Variants in SLC17A5 observed in about 807,000 individuals in gnomAD.
The protein encoded by SLC17A5 is solute carrier family 17 member 5, also known as sialin.
A neutral mutation model predicts 59.4 loss-of-function variants in SLC17A5; 47 were observed. The ratio of observed to expected loss-of-function variants is 0.79; its 90% confidence interval spans 0.63 to 1.01. The LOEUF (loss-of-function observed/expected upper bound fraction) is 1.01, where lower values mean the gene tolerates loss of function less well. Ranked by LOEUF, SLC17A5 falls within the 50% of genes least tolerant of loss-of-function variation. The pLI, the probability that SLC17A5 is intolerant of heterozygous loss-of-function variation, is 0.00. For missense variants in SLC17A5, 522 were observed against 595.5 expected, an observed-to-expected ratio of 0.88 and a Z score of 1.28; for synonymous variants, 202 against 210.7, an observed-to-expected ratio of 0.96 and a Z score of 0.36.
At chr6:73,652,920 T>C in intron 1 of SLC17A5, 1 of 424,074 alleles carries the variant, frequency 2.4e-6, no homozygotes, top group Non-Finnish European at 3.2e-6. Flanking sequence ...ATTTGTTCTT[T>C]AGTTTTCGTT....
chr6:73,636,621 CA>C lies in SLC17A5; in HGVS notation c.699del (p.Phe233LeufsTer15), dbSNP rs779548058. ...AATTTAGTTAAAATTTTAAACTTACCAAAAAAGTAGAAGACATAAGTCCAAT... is the reference window on the plus strand; with the variant it reads ...AATTTAGTTAAAATTTTAAACTTACCAAAAAGTAGAAGACATAAGTCCAAT... ...YMNWTYVFYF[F>X]GTIGIFWFLL... On this transcript the variant is annotated frameshift_variant and splice_region_variant, in exon 5 of 11. Coordinates refer to ENST00000355773, the MANE Select transcript of SLC17A5 (RefSeq NM_012434.5). LOFTEE classifies it high-confidence loss of function. 4.5e-6 allele frequency: 7 copies of C among 1,553,576 alleles called. No individual in the cohort carries two copies. The highest frequency in any genetic ancestry group is 6.2e-6 in the Non-Finnish European group (7 of 1,126,406).
chr6:73,601,376 T>C (rs1338001770), intron 9 of SLC17A5, among the ~76,000 whole-genome samples: 2 of 134,356 alleles, frequency 1.5e-5, no homozygotes, highest in African/African-American at 2.8e-5. Flanking sequence ...GTGAGGAGCG[T>C]CTCCGCCCGG....
rs374477127 is a variant in SLC17A5, at chr6:73,614,741, G to A, written c.1111+574C>T. Among the ~76,000 whole-genome samples, 20 of 152,282 alleles carry A rather than the reference G, an allele frequency of 1.3e-4. No individual in the cohort carries two copies. In the South Asian group the frequency reaches 3.3e-3, roughly 25 times the overall value. ...AGGGTTTGGATGAACTTTTGCGGTC[G>A]GGGTTCTTGGAGGGTGGTGTTCCAG... On this transcript the variant is annotated intron_variant, in intron 8 of 10. Coordinates refer to ENST00000355773, the MANE Select transcript of SLC17A5 (RefSeq NM_012434.5).
At position 73,594,979 on chromosome 6, in the gene SLC17A5, A is replaced by T; in HGVS notation, c.*98T>A. ...TAAAAATCTAATACAAGTACAATTAAAAAAAGACATAGAATGCTTACACAA... is the reference window on the plus strand; with the variant it reads ...TAAAAATCTAATACAAGTACAATTATAAAAAGACATAGAATGCTTACACAA... On this transcript the variant is annotated 3_prime_UTR_variant, in exon 11 of 11. Coordinates refer to ENST00000355773, the MANE Select transcript of SLC17A5 (RefSeq NM_012434.5). The T allele has an allele frequency of 2.3e-6, 3 of 1,333,334 alleles. No individual in the cohort carries two copies. The highest frequency in any genetic ancestry group is 2.4e-5 in the South Asian group (2 of 82,270). 82.6% of individuals were successfully genotyped at this position (1,333,334 alleles called of 1,614,324 possible).
chr6:73,645,825 G>T (rs1769531561), intron 1 of SLC17A5, among the ~76,000 whole-genome samples: 1 of 150,814 alleles, frequency 6.6e-6, no homozygotes. Context: ...ATGCAGAGTA[G>T]GTTGGAGGAA....
chr6:73,617,968 G>A (rs1004503555), intron 7 of SLC17A5, among the ~76,000 whole-genome samples: 6 of 151,868 alleles, frequency 4.0e-5, no homozygotes, highest in Admixed American at 2.0e-4. Flanking sequence ...ATTGGCTCAC[G>A]TCTGTAATCC....
intron 6 of SLC17A5, among the ~76,000 whole-genome samples, chr6:73,622,641 A>C (rs948074566): frequency 1.3e-5 from 2 of 152,210 alleles, no homozygotes; most frequent in Non-Finnish European, 2.9e-5. Context: ...AGAGGTTGAC[A>C]TAAGGATAAA....
chr6:73,595,427 T>A (rs1281752537), intron 10 of SLC17A5, among the ~76,000 whole-genome samples: 1 of 152,164 alleles, frequency 6.6e-6, no homozygotes, highest in Non-Finnish European at 1.5e-5. Context: ...ACATCATAAA[T>A]ACAGCTCACA....
chr6:73,629,187 A>G (rs981261135), intron 6 of SLC17A5, among the ~76,000 whole-genome samples: 1 of 152,122 alleles, frequency 6.6e-6, no homozygotes, highest in African/African-American at 2.4e-5. Flanking sequence ...CACAAGTTCA[A>G]GACCAGCCTG....
At chr6:73,625,598 A>G (rs73456460) in intron 6 of SLC17A5, among the ~76,000 whole-genome samples, 48 of 152,322 alleles carry the variant, frequency 3.2e-4, no homozygotes, top group African/African-American at 1.1e-3. Context: ...TATACTTTAC[A>G]ATTATAGGGG....
At chr6:73,600,541 C>T in intron 9 of SLC17A5, 100 bp from the exon 10 acceptor site, 5 of 941,956 alleles carry the variant, frequency 5.3e-6, no homozygotes, top group Admixed American at 2.2e-5. Context: ...CAGAGTCTCA[C>T]TCTGTGGCCC....
intron 8 of SLC17A5, among the ~76,000 whole-genome samples, 183 bp downstream of exon 8, chr6:73,615,132 G>A (rs898032911): frequency 2.6e-5 from 4 of 152,216 alleles, no homozygotes; most frequent in African/African-American, 9.6e-5. Flanking sequence ...GTCCGCTGCA[G>A]AACTGGTTAT....
rs1308325093 is a variant in SLC17A5 at position 73,621,549 on chromosome 6, T to TATA, written c.978+254_978+255insTAT. On this transcript the variant is annotated intron_variant, in intron 7 of 10. Coordinates refer to ENST00000355773, the MANE Select transcript of SLC17A5 (RefSeq NM_012434.5). ...TTTAAAAACTGAGTTGTCTTTTTAT[T>TATA]ATTGAATTGTAAGAATTCTTAATAT... Among the ~76,000 whole-genome samples, 14 of 152,374 alleles carry TATA rather than the reference T, an allele frequency of 9.2e-5. No individual in the cohort carries two copies. In the South Asian group the frequency reaches 2.5e-3, roughly 27 times the overall value.
chr6:73,627,137 C>T (rs567844218), intron 6 of SLC17A5, among the ~76,000 whole-genome samples: 10 of 147,688 alleles, frequency 6.8e-5, no homozygotes, highest in Non-Finnish European at 8.9e-5. Flanking sequence ...AGTGCAGTGT[C>T]GTGATCTCGG....
chr6:73,598,919 G>A (rs1048526615), intron 10 of SLC17A5, among the ~76,000 whole-genome samples: 6 of 152,108 alleles, frequency 3.9e-5, no homozygotes, highest in African/African-American at 1.4e-4. Context: ...GGGAGGCAAA[G>A]GTTGTGGTGA....
At chr6:73,639,828 T>C (rs1013860167) in intron 3 of SLC17A5, among the ~76,000 whole-genome samples, 3 of 152,166 alleles carry the variant, frequency 2.0e-5, no homozygotes, top group Non-Finnish European at 4.4e-5. Context: ...GGTGGATCAC[T>C]TGATGCCAGA....
chr6:73,607,983 G>A (rs1222846333), intron 9 of SLC17A5, among the ~76,000 whole-genome samples: 2 of 151,798 alleles, frequency 1.3e-5, no homozygotes, highest in Admixed American at 1.3e-4. Flanking sequence ...CACCATGTTG[G>A]CCAGGCTGAT....
At chr6:73,599,408 T>C (rs945936266) in intron 10 of SLC17A5, among the ~76,000 whole-genome samples, 1 of 152,012 alleles carries the variant, frequency 6.6e-6, no homozygotes, top group Non-Finnish European at 1.5e-5. Flanking sequence ...ATTAAACAAA[T>C]GCTGTAACAT....
At chr6:73,630,879 T>TTTTTAC (rs1768672684) in intron 6 of SLC17A5, among the ~76,000 whole-genome samples, 1 of 151,728 alleles carries the variant, frequency 6.6e-6, no homozygotes, top group African/African-American at 2.4e-5. Flanking sequence ...AAACCCCGTT[T>TTTTTAC]CTACTAAAAA....
Sources: gnomAD v4.1 joint callset for allele counts (sites outside exome capture counted in the v4.1 genomes callset) on GRCh38, gnomAD v4.1.1 for gene constraint, MANE v1.5 for transcripts, NCBI Gene and HGNC (gene_info 2026-07-23, HGNC 2026-07-21) for gene names.